The following KDM3A variants were observed in gnomAD, a reference collection of about 807,000 sequenced individuals.
The protein encoded by KDM3A is lysine demethylase 3A, also known as lysine-specific demethylase 3A.
KDM3A carries 60 observed loss-of-function variants against 158.0 expected under a neutral mutation model. That is an observed-to-expected ratio of 0.38 (90% CI 0.31 to 0.47). The LOEUF is 0.47. Ranked by LOEUF, KDM3A falls within the 20% of genes least tolerant of loss-of-function variation. The pLI, the probability that KDM3A is intolerant of heterozygous loss-of-function variation, is 0.99. For synonymous variants in KDM3A, 608 were observed against 549.3 expected, an observed-to-expected ratio of 1.11 and a Z score of -1.49; for missense variants, 1,319 against 1,574.3, an observed-to-expected ratio of 0.84 and a Z score of 2.74.
chr2:86,482,676 G>A lies in KDM3A; in HGVS notation c.2904G>A (p.Glu968=). The change falls in exon 18 of 26, where the codon GAG becomes GAA. Residue 968 remains glutamate (E), a synonymous_variant. Coordinates refer to ENST00000312912, the MANE Select transcript of KDM3A (RefSeq NM_018433.6). ...NNKSNWNVFR[E]CWKQGQPVMV... ...AGAGCAACTGGAATGTGTTTAGGGA[G>A]TGCTGGAAACAAGGGCAGGTAATGT... 6.2e-7 allele frequency: 1 copy of A among 1,614,008 alleles called. No individual in the cohort carries two copies. The highest frequency in any genetic ancestry group is 8.5e-7 in the Non-Finnish European group (1 of 1,180,008).
chr2:86,449,787 C>T lies in KDM3A; in HGVS notation c.187-20C>T. On this transcript the variant is annotated intron_variant, in intron 2 of 25. Coordinates refer to ENST00000312912, the MANE Select transcript of KDM3A (RefSeq NM_018433.6). ...ATAAATTGAATCTGCTTCCCCCACCCCCCAATTTTGTCTGTCTAGGTGTGT... is the reference window on the plus strand; with the variant it reads ...ATAAATTGAATCTGCTTCCCCCACCTCCCAATTTTGTCTGTCTAGGTGTGT... 6.3e-7 allele frequency: 1 copy of T among 1,576,272 alleles called. No individual in the cohort carries two copies. Among genetic ancestry groups the T allele is most frequent in the Non-Finnish European group, 8.6e-7 (1 of 1,165,068 alleles).
intron 11 of KDM3A, among the ~76,000 whole-genome samples, 158 bp downstream of exon 11, chr2:86,470,566 T>C (rs146792327): frequency 1.5e-3 from 231 of 152,382 alleles, no homozygotes; most frequent in African/African-American, 5.2e-3. Flanking sequence ...CTAGATCTTA[T>C]TGCATGTTAC....
chr2:86,463,349 T>C (rs1043363003), intron 8 of KDM3A, among the ~76,000 whole-genome samples: 1 of 152,208 alleles, frequency 6.6e-6, no homozygotes, highest in African/African-American at 2.4e-5. Flanking sequence ...GTTTCTCCTT[T>C]CTTTTTTATG....
chr2:86,473,336 AT>A (rs974475964), intron 11 of KDM3A, among the ~76,000 whole-genome samples: 2 of 151,590 alleles, frequency 1.3e-5, no homozygotes, highest in Non-Finnish European at 2.9e-5. Context: ...AATTAGAAAA[AT>A]TTTTTTTTGT....
upstream of KDM3A, among the ~76,000 whole-genome samples, chr2:86,439,062 T>C (rs927947490): frequency 1.3e-5 from 2 of 152,034 alleles, no homozygotes; most frequent in Admixed American, 1.3e-4. Flanking sequence ...ACGTAACTTA[T>C]ATTCCTAGGT....
chr2:86,477,823 TGG>T, intron 12 of KDM3A, 52 bp from the exon 13 acceptor site: 2 of 1,524,826 alleles, frequency 1.3e-6, no homozygotes, highest in Admixed American at 2.1e-5. Flanking sequence ...CTTTCGTTTT[TGG>T]TTTCAGAAGC....
At chr2:86,471,369 A>G (rs1166129040) in intron 11 of KDM3A, among the ~76,000 whole-genome samples, 1 of 149,660 alleles carries the variant, frequency 6.7e-6, no homozygotes, top group Admixed American at 6.7e-5. Context: ...ATATGTGTAT[A>G]TATGTATATA....
intron 11 of KDM3A, 94 bp downstream of exon 11, chr2:86,470,502 T>G: frequency 9.6e-7 from 1 of 1,045,252 alleles, no homozygotes. Flanking sequence ...CAACAGTAAA[T>G]CTAGAAGTAA....
intron 10 of KDM3A, among the ~76,000 whole-genome samples, chr2:86,467,785 C>G (rs1278863952): frequency 1.3e-5 from 2 of 152,118 alleles, no homozygotes; most frequent in African/African-American, 4.8e-5. Context: ...CTTTGGGAGA[C>G]CACTGTGGGA....
chr2:86,492,246 C>CT lies in KDM3A; in HGVS notation c.*128dup, dbSNP rs1409781143. 3.0e-6 allele frequency: 2 copies of CT among 677,912 alleles called. No homozygotes were observed. The highest frequency in any genetic ancestry group is 5.3e-6 in the Non-Finnish European group (2 of 379,566). The allele number at this position is 677,912 out of a possible 1,614,324, so 42.0% of individuals were successfully genotyped here. ...ACTGTACCCAACTTGTGAGGGTACT[C>CT]TGTCTAATGTATATTTCTAGTGTTT... is the stretch of plus-strand genomic sequence containing the variant. On this transcript the variant is annotated 3_prime_UTR_variant, in exon 26 of 26. Coordinates refer to ENST00000312912, the MANE Select transcript of KDM3A (RefSeq NM_018433.6).
rs1367969084 is a variant in KDM3A, at chr2:86,484,105, T to C, written c.3041T>C (p.Ile1014Thr). 2 of 1,613,930 alleles carry C rather than the reference T, an allele frequency of 1.2e-6. No homozygotes were observed. The highest frequency in any genetic ancestry group is 1.7e-6 in the Non-Finnish European group (2 of 1,179,872). The part of the protein sequence containing the change: ...VDLVNCRTNE[I>T]ITGATVGDFW... The stretch of plus-strand genomic sequence containing the variant: ...CTAGTTAATTGTAGGACCAATGAAA[T>C]CATCACAGGAGCCACAGTAGGAGAC... The change falls in exon 19 of 26, where the codon ATC becomes ACC. Residue 1014 changes from isoleucine (I) to threonine (T), a missense_variant. Around this residue, in one of 4 missense-constraint regions of KDM3A, gnomAD observed 368 missense variants for 415.8 expected, o/e 0.89. Transcript: ENST00000312912.
chr2:86,474,461 A>G (rs1037754759), intron 11 of KDM3A, among the ~76,000 whole-genome samples: 1 of 151,994 alleles, frequency 6.6e-6, no homozygotes, highest in Non-Finnish European at 1.5e-5. Flanking sequence ...TCAGGAGTTC[A>G]AGACCAGCCT....
chr2:86,439,069 AG>A (rs1332304652), upstream of KDM3A, among the ~76,000 whole-genome samples: 2 of 151,976 alleles, frequency 1.3e-5, no homozygotes, highest in Non-Finnish European at 2.9e-5. Context: ...TTATATTCCT[AG>A]GTTTTTAGAA....
Position 86,492,231 on chromosome 2 carries a change from A to G in KDM3A, c.*112A>G. 4.0e-6 allele frequency: 3 copies of G among 741,326 alleles called. No individual in the cohort carries two copies. The highest frequency in any genetic ancestry group is 7.1e-6 in the Non-Finnish European group (3 of 424,836). 45.9% of individuals were successfully genotyped at this position (741,326 alleles called of 1,614,324 possible). A position where few individuals can be genotyped will look rare whatever the true frequency, so the allele number is the denominator to read the frequency against. On this transcript the variant is annotated 3_prime_UTR_variant, in exon 26 of 26. Transcript: ENST00000312912. ...CATCTTCTTTTTTAAACTGTACCCA[A>G]CTTGTGAGGGTACTCTGTCTAATGT...
intron 2 of KDM3A, among the ~76,000 whole-genome samples, chr2:86,448,260 T>C (rs569222744): frequency 6.6e-6 from 1 of 152,184 alleles, no homozygotes; most frequent in Admixed American, 6.5e-5. Context: ...TTAGATTTCA[T>C]TTATTTTTAT....
At chr2:86,482,791 T>C (rs1172683538) in intron 18 of KDM3A, 97 bp downstream of exon 18, 1 of 1,067,492 alleles carries the variant, frequency 9.4e-7, no homozygotes, top group Non-Finnish European at 1.4e-6. Context: ...TTCCCCCTCC[T>C]TCACCTCCTG....
Position 86,470,289 on chromosome 2 carries a change from T to C in KDM3A, c.1605T>C (p.Ser535=). 2.5e-6 allele frequency: 4 copies of C among 1,614,130 alleles called. No homozygotes were observed. The highest frequency in any genetic ancestry group is 3.4e-6 in the Non-Finnish European group (4 of 1,179,980). The part of the protein sequence containing the change: ...QSGEAFVQDD[S]CVNIVAQLPK... ...GCGAGGCCTTCGTACAGGATGATTC[T>C]TGTGTGAACATCGTGGCACAGTTGC... Residue 535 remains serine, a synonymous_variant, in exon 11 of 26, where the codon TCT becomes TCC. Coordinates refer to ENST00000312912, the MANE Select transcript of KDM3A (RefSeq NM_018433.6).
intron 15 of KDM3A, 45 bp downstream of exon 15, chr2:86,478,780 T>C (rs1460163521): frequency 6.3e-7 from 1 of 1,583,474 alleles, no homozygotes; most frequent in African/African-American, 1.4e-5. Flanking sequence ...GTAATTGTCA[T>C]TTGTCTGTTT....
Position 86,477,917 on chromosome 2 carries a change from A to T in KDM3A, c.1980A>T (p.Glu660Asp), listed in dbSNP as rs1673734481. 1 of 1,613,576 alleles carries T rather than the reference A, an allele frequency of 6.2e-7. No homozygotes were observed. Among genetic ancestry groups the T allele is most frequent in the South Asian group, 1.1e-5 (1 of 90,990 alleles). ...AWKRAVKGVR[E>D]MCDVCDTTIF... ...AGCGAGCTGTCAAAGGTGTTCGAGA[A>T]ATGTGTGATGTGTGCGACACCACCA... Residue 660 changes from glutamate to aspartate, a missense_variant, in exon 13 of 26, where the codon GAA (glutamate) becomes GAT (aspartate). Physicochemically the swap from Glu to Asp is conservative, Grantham distance 45. This residue lies in a region of KDM3A where 113 missense variants were observed against 190.5 expected (regional missense o/e 0.59). Coordinates refer to ENST00000312912, the MANE Select transcript of KDM3A (RefSeq NM_018433.6).
Sources: gnomAD v4.1 joint callset for allele counts (sites outside exome capture counted in the v4.1 genomes callset) on GRCh38, gnomAD v4.1.1 for gene constraint, gnomAD v4.1.1 regional missense constraint, MANE v1.5 for transcripts, NCBI Gene and HGNC (gene_info 2026-07-23, HGNC 2026-07-21) for gene names.